FMO5: variants seen among roughly 807,000 people sequenced by gnomAD.
FMO5 encodes flavin containing dimethylaniline monoxygenase 5.
Under a neutral mutation model 43.6 loss-of-function variants are expected in FMO5, and 51 were observed. The observed-to-expected ratio is 1.17, with a 90% CI of 0.93 to 1.48. The LOEUF (loss-of-function observed/expected upper bound fraction) is 1.48. Ranked by LOEUF, FMO5 falls within the 40% of genes most tolerant of loss-of-function variation. The pLI is 0.00. For missense variants in FMO5, 644 were observed against 643.0 expected (o/e 1.00, Z -0.02); for synonymous variants, 187 against 216.5 (o/e 0.86, Z 1.20).
chr1:147,196,990 T>C (rs1553919946), intron 7 of FMO5, among the ~76,000 whole-genome samples: 1 of 152,172 alleles, frequency 6.6e-6, no homozygotes, highest in South Asian at 2.1e-4. Context: ...TTCACTCCTC[T>C]CTAACATATC....
At chr1:147,206,606 C>T (rs1660098382) in intron 6 of FMO5, among the ~76,000 whole-genome samples, 1 of 152,140 alleles carries the variant, frequency 6.6e-6, no homozygotes, top group Non-Finnish European at 1.5e-5. Flanking sequence ...AGTTCATGTC[C>T]TTTGTAGAGA....
intron 7 of FMO5, among the ~76,000 whole-genome samples, chr1:147,190,920 G>A (rs1367703039): frequency 3.3e-5 from 5 of 151,920 alleles, no homozygotes; most frequent in African/African-American, 1.2e-4. Context: ...ACCTATGAGT[G>A]AGAACATGCG....
At chr1:147,184,449 C>T (rs1655445392), downstream of FMO5, 5 of 1,381,874 alleles carry the variant, frequency 3.6e-6, no homozygotes, top group Admixed American at 7.0e-5. This position sits in a 1 kb window ranked among gnomAD's most constrained non-coding sequence, Gnocchi z 4.4. Flanking sequence ...AGTTCTTTTT[C>T]TGTTGCAGGA....
intron 5 of FMO5, among the ~76,000 whole-genome samples, chr1:147,209,401 G>A (rs972826300): frequency 7.6e-6 from 1 of 132,420 alleles, no homozygotes; most frequent in African/African-American, 2.9e-5. Flanking sequence ...TCGCACCACT[G>A]CACTCCAGCC....
chr1:147,195,422 C>T (rs1398452305), intron 7 of FMO5, among the ~76,000 whole-genome samples: 1 of 147,210 alleles, frequency 6.8e-6, no homozygotes, highest in Non-Finnish European at 1.5e-5. Flanking sequence ...CATGAGCCAC[C>T]ATGCCCAGCC....
At chr1:147,196,914 G>T (rs587753376) in intron 7 of FMO5, among the ~76,000 whole-genome samples, 1 of 152,090 alleles carries the variant, frequency 6.6e-6, no homozygotes, top group African/African-American at 2.4e-5. Context: ...TCATTACCTT[G>T]GTTTAAAGCT....
At chr1:147,196,421 T>C (rs1658012483) in intron 7 of FMO5, among the ~76,000 whole-genome samples, 1 of 152,196 alleles carries the variant, frequency 6.6e-6, no homozygotes, top group South Asian at 2.1e-4. Context: ...GTTTTACTTC[T>C]ATTAGCTAGA....
At chr1:147,213,266 C>T (rs1394869463) in intron 4 of FMO5, 42 bp downstream of exon 4, 16 of 1,522,706 alleles carry the variant, frequency 1.1e-5, no homozygotes, top group Non-Finnish European at 1.4e-5. Flanking sequence ...GGTCAGGTCA[C>T]AGGCATGGGT....
At chr1:147,209,987 C>T (rs1325981840) in intron 5 of FMO5, 1 of 152,164 alleles carries the variant, frequency 6.6e-6, no homozygotes, top group African/African-American at 2.4e-5. Flanking sequence ...GAGATAAAGC[C>T]TACACATCCA....
chr1:147,197,462 G>A (rs782247919), intron 7 of FMO5, among the ~76,000 whole-genome samples: 1 of 152,132 alleles, frequency 6.6e-6, no homozygotes, highest in South Asian at 2.1e-4. Flanking sequence ...TTGAATTTTG[G>A]GTCCCACAAT....
At chr1:147,215,678 A>G in intron 3 of FMO5, 76 bp downstream of exon 3, 1 of 1,071,570 alleles carries the variant, frequency 9.3e-7, no homozygotes, top group Non-Finnish European at 1.4e-6. Context: ...AGAAGTAAAC[A>G]TTGGTAACTG....
chr1:147,218,435 A>G (rs1553925548), intron 2 of FMO5, among the ~76,000 whole-genome samples: 1 of 151,670 alleles, frequency 6.6e-6, no homozygotes, highest in Non-Finnish European at 1.5e-5. Context: ...GACGGGTTTC[A>G]CCATGTTAGC....
At chr1:147,223,529 C>T (rs1553926782) in intron 2 of FMO5, 1 of 152,532 alleles carries the variant, frequency 6.6e-6, no homozygotes, top group African/African-American at 2.4e-5. Context: ...AAAAGCAAAC[C>T]CGTTCTCCTC....
chr1:147,224,853 A>C (rs2102125159), intron 2 of FMO5, 42 bp downstream of exon 2: 1 of 1,587,994 alleles, frequency 6.3e-7, no homozygotes, highest in East Asian at 2.2e-5. Flanking sequence ...ACCTAGTTGC[A>C]GGGAGGGTTT....
intron 8 of FMO5, among the ~76,000 whole-genome samples, chr1:147,189,054 T>C (rs1440410144): frequency 1.3e-5 from 2 of 152,024 alleles, no homozygotes; most frequent in Non-Finnish European, 2.9e-5. Flanking sequence ...GGCGGGCAGA[T>C]CACAAGGTCA....
chr1:147,208,818 C>T, intron 6 of FMO5, 34 bp downstream of exon 6: 1 of 1,570,166 alleles, frequency 6.4e-7, no homozygotes, highest in Non-Finnish European at 8.8e-7. Flanking sequence ...TGTGCTTTGG[C>T]CACTATCCCT....
chr1:147,191,436 G>A (rs1403863119), intron 7 of FMO5, among the ~76,000 whole-genome samples: 6 of 152,138 alleles, frequency 3.9e-5, no homozygotes, highest in Non-Finnish European at 5.9e-5. Context: ...GATGGCCAGC[G>A]ATGATGAGAA....
chr1:147,199,428 A>C (rs1553920444), intron 7 of FMO5, among the ~76,000 whole-genome samples: 2 of 152,192 alleles, frequency 1.3e-5, no homozygotes, highest in Admixed American at 1.3e-4. Flanking sequence ...GTTAGAAAAA[A>C]GCTGGAGGAA....
At position 147,186,354 on chromosome 1, in the gene FMO5, A is replaced by C. The variant is rs1655616714; in HGVS notation, c.*546T>G. On this transcript the variant is annotated 3_prime_UTR_variant, in exon 9 of 9. Coordinates refer to ENST00000254090, the MANE Select transcript of FMO5 (RefSeq NM_001461.4). Reference sequence around the variant, plus strand: ...GTTTCAAGTACACTAGTGAATAGCAAGTGAAACAAAATGTCTTAAGCATCT... The same window carrying C: ...GTTTCAAGTACACTAGTGAATAGCACGTGAAACAAAATGTCTTAAGCATCT... 1.0e-6 allele frequency: 1 copy of C among 963,394 alleles called. No individual in the cohort carries two copies. The highest frequency in any genetic ancestry group is 1.2e-6 in the Non-Finnish European group (1 of 809,862). 59.7% of individuals were successfully genotyped at this position (963,394 alleles called of 1,614,324 possible). A position where few individuals can be genotyped will look rare whatever the true frequency, so the allele number is the denominator to read the frequency against.
Sources: gnomAD v4.1 joint callset for allele counts (sites outside exome capture counted in the v4.1 genomes callset) on GRCh38, gnomAD v4.1.1 for gene constraint, Gnocchi (gnomAD v3.1) non-coding constraint, MANE v1.5 for transcripts, NCBI Gene and HGNC (gene_info 2026-07-23, HGNC 2026-07-21) for gene names.